The following SNTB2 variants were observed in gnomAD, a reference collection of about 807,000 sequenced individuals.
SNTB2 encodes the protein syntrophin beta 2.
In SNTB2, 34 loss-of-function variants were observed where a neutral mutation model predicts 46.2. That is an observed-to-expected ratio of 0.74 (90% CI 0.56 to 0.98). The LOEUF is 0.98. SNTB2 is among the 50% of genes least tolerant of loss of function. The pLI is 0.00. For missense variants in SNTB2, 603 were observed against 731.4 expected (o/e 0.82, Z 2.02); for synonymous variants, 290 against 312.6 (o/e 0.93, Z 0.76).
intron 1 of SNTB2, 41 bp from the exon 2 acceptor site, chr16:69,245,561 G>A: frequency 6.3e-7 from 1 of 1,579,702 alleles, no homozygotes; most frequent in Non-Finnish European, 8.7e-7. Context: ...ATTATAGGAA[G>A]CAAAATTACT....
chr16:69,190,703 A>C (rs1449821056), intron 1 of SNTB2, among the ~76,000 whole-genome samples: 1 of 152,184 alleles, frequency 6.6e-6, no homozygotes, highest in East Asian at 1.9e-4. Flanking sequence ...AGTGCAAGAC[A>C]TTAAAAAGCT....
intron 1 of SNTB2, among the ~76,000 whole-genome samples, chr16:69,205,316 ATTTTTTTTTTTT>A (rs34575541): frequency 1.5e-5 from 2 of 131,006 alleles, no homozygotes; most frequent in South Asian, 4.9e-4. Flanking sequence ...CGCTTGGCAA[ATTTTTTTTTTTT>A]TTTTTTTTTT....
chr16:69,239,349 T>C (rs1466764892), intron 1 of SNTB2, among the ~76,000 whole-genome samples: 1 of 152,228 alleles, frequency 6.6e-6, no homozygotes, highest in Non-Finnish European at 1.5e-5. Flanking sequence ...ATTATCATAC[T>C]GTACAATTGA....
chr16:69,240,116 A>T (rs1254966509), intron 1 of SNTB2, among the ~76,000 whole-genome samples: 1 of 152,142 alleles, frequency 6.6e-6, no homozygotes, highest in African/African-American at 2.4e-5. Flanking sequence ...TGTGAATGTA[A>T]GTTTTCATTT....
chr16:69,292,369 TA>T (rs1414447561), intron 5 of SNTB2, among the ~76,000 whole-genome samples: 4 of 32,388 alleles, frequency 1.2e-4, no homozygotes, highest in South Asian at 1.8e-3. Flanking sequence ...TATATATATA[TA>T]TATATATATT....
intron 5 of SNTB2, among the ~76,000 whole-genome samples, chr16:69,299,231 C>T (rs1965256847): frequency 2.0e-5 from 3 of 151,916 alleles, no homozygotes; most frequent in Non-Finnish European, 4.4e-5. Flanking sequence ...CAACGTCCGC[C>T]TCCCGGGTGC....
chr16:69,267,545 T>G (rs76596054), intron 3 of SNTB2, among the ~76,000 whole-genome samples: 3,515 of 152,320 alleles, frequency 0.023, 141 homozygotes, highest in African/African-American at 0.079. Flanking sequence ...TAATATAGTC[T>G]TGGAAAACTC....
At chr16:69,227,623 T>A (rs530801457) in intron 1 of SNTB2, among the ~76,000 whole-genome samples, 18 of 152,316 alleles carry the variant, frequency 1.2e-4, no homozygotes, top group African/African-American at 4.1e-4. Context: ...TGTGTTGTAA[T>A]TATTGTTGAC....
At chr16:69,299,918 T>TG in intron 6 of SNTB2, 144 bp downstream of exon 6, 1 of 765,416 alleles carries the variant, frequency 1.3e-6, no homozygotes, top group African/African-American at 1.8e-5. Flanking sequence ...TTTTTAAAGA[T>TG]GGGGTCTCTG....
intron 1 of SNTB2, among the ~76,000 whole-genome samples, chr16:69,234,001 CAA>C (rs1964532912): frequency 6.6e-6 from 1 of 151,714 alleles, no homozygotes. Flanking sequence ...ACCTGGACAA[CAA>C]AGTGAGACTC....
At chr16:69,242,563 T>C (rs1964628288) in intron 1 of SNTB2, among the ~76,000 whole-genome samples, 1 of 152,216 alleles carries the variant, frequency 6.6e-6, no homozygotes, top group African/African-American at 2.4e-5. Flanking sequence ...AATGCAATCC[T>C]ACACCTGTAT....
At chr16:69,200,665 T>C (rs918953887) in intron 1 of SNTB2, among the ~76,000 whole-genome samples, 8 of 152,118 alleles carry the variant, frequency 5.3e-5, no homozygotes, top group Non-Finnish European at 7.3e-5. Context: ...TTTGTTTCGT[T>C]TATTTATTTT....
intron 5 of SNTB2, among the ~76,000 whole-genome samples, chr16:69,284,506 G>T (rs954295445): frequency 4.3e-5 from 6 of 139,608 alleles, no homozygotes; most frequent in Non-Finnish European, 9.0e-5. Context: ...GTGCACAGTG[G>T]CTGATGCCTG....
chr16:69,288,627 T>A (rs1965129411), intron 5 of SNTB2, among the ~76,000 whole-genome samples: 1 of 152,204 alleles, frequency 6.6e-6, no homozygotes, highest in Non-Finnish European at 1.5e-5. Flanking sequence ...GAAAACAGTA[T>A]GAATATTTCT....
At chr16:69,262,091 C>T (rs1037373843) in intron 3 of SNTB2, among the ~76,000 whole-genome samples, 3 of 152,160 alleles carry the variant, frequency 2.0e-5, no homozygotes, top group Admixed American at 6.5e-5. Context: ...TGGTGGCATG[C>T]ACCTGTGTCC....
chr16:69,214,399 C>G (rs1380809631), intron 1 of SNTB2, among the ~76,000 whole-genome samples: 1 of 151,882 alleles, frequency 6.6e-6, no homozygotes, highest in Non-Finnish European at 1.5e-5. Context: ...CTGCCCACCT[C>G]AGCCTCCCAA....
intron 1 of SNTB2, among the ~76,000 whole-genome samples, chr16:69,244,210 G>T (rs1253410002): frequency 6.6e-6 from 1 of 152,164 alleles, no homozygotes; most frequent in East Asian, 1.9e-4. Context: ...ACCACATCAT[G>T]CTGTAGAATG....
intron 1 of SNTB2, among the ~76,000 whole-genome samples, chr16:69,196,376 CTTTT>C (rs533787609): frequency 3.0e-5 from 4 of 134,634 alleles, no homozygotes; most frequent in Admixed American, 1.5e-4. Context: ...TTTTCTTTTT[CTTTT>C]TTTTTTTTTT....
chr16:69,202,250 G>A (rs1442127205), intron 1 of SNTB2, among the ~76,000 whole-genome samples: 4 of 152,096 alleles, frequency 2.6e-5, no homozygotes, highest in Non-Finnish European at 5.9e-5. Context: ...TTCATCTTAA[G>A]GCTTATAAAG....
Sources: gnomAD v4.1 joint callset for allele counts (sites outside exome capture counted in the v4.1 genomes callset) on GRCh38, gnomAD v4.1.1 for gene constraint, MANE v1.5 for transcripts, NCBI Gene and HGNC (gene_info 2026-07-23, HGNC 2026-07-21) for gene names.